Variants in ZNF148 observed in about 807,000 individuals in gnomAD.
ZNF148 encodes zinc finger protein 148, also known as Beta-Enolase Repressor Factor-1.
ZNF148 carries 7 observed loss-of-function variants against 67.7 expected under a neutral mutation model. The observed-to-expected ratio is 0.10, with a 90% confidence interval of 0.06 to 0.19. The LOEUF (loss-of-function observed/expected upper bound fraction) is 0.19, where lower values mean the gene tolerates loss of function less well. Among genes scored for constraint, ZNF148 ranks in the 10% least tolerant of loss-of-function variants. The pLI is 1.00. For missense variants in ZNF148, 583 were observed against 947.1 expected, an observed-to-expected ratio of 0.62 and a Z score of 5.05; for synonymous variants, 333 against 330.7, an observed-to-expected ratio of 1.01 and a Z score of -0.08.
Position 125,232,521 on chromosome 3 carries a change from A to T in ZNF148, c.2205T>A (p.Ala735=). The T allele has an allele frequency of 2.5e-6, 4 of 1,613,610 alleles. No individual in the cohort carries two copies. Among genetic ancestry groups the T allele is most frequent in the Non-Finnish European group, 2.5e-6 (3 of 1,179,704 alleles). The change falls in exon 9 of 9, where the codon GCT becomes GCA. Residue 735 remains alanine, a synonymous_variant. Coordinates refer to ENST00000360647, the MANE Select transcript of ZNF148 (RefSeq NM_021964.3). This position sits in a 1 kb window ranked among gnomAD's most constrained non-coding sequence, Gnocchi z 4.2. Reference sequence around the variant, plus strand: ...TTCCAGCTCTTGATCCATGATAGGGAGCACGGAAGGGCTGTTCAAAGGAGC... The same window carrying T: ...TTCCAGCTCTTGATCCATGATAGGGTGCACGGAAGGGCTGTTCAAAGGAGC... ...QMSSFEQPFR[A]PYHGSRAGIA...
At chr3:125,237,967 T>A (rs1936169387) in intron 7 of ZNF148, among the ~76,000 whole-genome samples, 1 of 152,010 alleles carries the variant, frequency 6.6e-6, no homozygotes, top group South Asian at 2.1e-4. Context: ...AAATTCAGAG[T>A]CCAAAAGTAA....
rs141274592 is a variant in ZNF148, at chr3:125,230,456, C to T, written c.*1885G>A. ...TTTGGCAGCAAAGAAAGCTGTCAAA[C>T]GGGAAAACTACTATTTCAAGCAAAA... On this transcript the variant is annotated 3_prime_UTR_variant, in exon 9 of 9. Coordinates refer to ENST00000360647, the MANE Select transcript of ZNF148 (RefSeq NM_021964.3). The T allele has an allele frequency of 2.6e-4, 39 of 152,512 alleles. No homozygotes were observed. The highest frequency in any genetic ancestry group is 1.7e-3 in the East Asian group (9 of 5,174). The allele number at this position is 152,512 out of a possible 1,614,324, so 9.4% of individuals were successfully genotyped here. A position where few individuals can be genotyped will look rare whatever the true frequency, so the allele number is the denominator to read the frequency against.
chr3:125,234,149 T>C, intron 8 of ZNF148, 62 bp downstream of exon 8: 2 of 1,271,752 alleles, frequency 1.6e-6, no homozygotes, highest in Non-Finnish European at 1.1e-6. Context: ...TATTTTCTAA[T>C]CTAATTTATA....
intron 3 of ZNF148, 61 bp downstream of exon 3, chr3:125,323,245 CAAT>C (rs1348678177): frequency 5.8e-5 from 28 of 479,880 alleles, no homozygotes; most frequent in Admixed American, 7.7e-5. Flanking sequence ...CAGCTGAACA[CAAT>C]GACTTCATAT....
At chr3:125,259,264 G>A (rs182354846) in intron 7 of ZNF148, among the ~76,000 whole-genome samples, 25 of 152,224 alleles carry the variant, frequency 1.6e-4, no homozygotes, top group Admixed American at 1.4e-3. Context: ...ATGAAAAAAT[G>A]CTCAACATGT....
At chr3:125,349,900 G>A (rs1559775160) in intron 1 of ZNF148, among the ~76,000 whole-genome samples, 1 of 152,180 alleles carries the variant, frequency 6.6e-6, no homozygotes, top group Non-Finnish European at 1.5e-5. Flanking sequence ...ATTACTGGGT[G>A]TATATCCAAA....
intron 2 of ZNF148, among the ~76,000 whole-genome samples, chr3:125,327,968 T>A (rs1308569925): frequency 6.6e-6 from 1 of 151,524 alleles, no homozygotes; most frequent in Non-Finnish European, 1.5e-5. Context: ...CAGTTTCAAA[T>A]TTTTTTTTAA....
At chr3:125,323,219 C>A in intron 3 of ZNF148, 90 bp downstream of exon 3, 1 of 433,902 alleles carries the variant, frequency 2.3e-6, no homozygotes. Flanking sequence ...TATATAAATT[C>A]AGTATAAAAT....
chr3:125,328,205 A>G (rs1685033321), intron 2 of ZNF148, among the ~76,000 whole-genome samples: 1 of 152,208 alleles, frequency 6.6e-6, no homozygotes, highest in Non-Finnish European at 1.5e-5. Context: ...AGATGCTACA[A>G]CCTGGAGCGA....
chr3:125,270,296 C>T (rs1209222293), intron 7 of ZNF148, among the ~76,000 whole-genome samples: 1 of 151,138 alleles, frequency 6.6e-6, no homozygotes, highest in Non-Finnish European at 1.5e-5. Flanking sequence ...CACTTGAGCC[C>T]AGGAGTTCCA....
At chr3:125,302,833 C>A (rs1205561262) in intron 4 of ZNF148, among the ~76,000 whole-genome samples, 2 of 152,202 alleles carry the variant, frequency 1.3e-5, no homozygotes, top group African/African-American at 4.8e-5. Flanking sequence ...TTATGAGTGA[C>A]TGTATCTGGG....
At chr3:125,325,611 A>C (rs1940985635) in intron 2 of ZNF148, among the ~76,000 whole-genome samples, 1 of 151,912 alleles carries the variant, frequency 6.6e-6, no homozygotes, top group African/African-American at 2.4e-5. Context: ...GATTACAGGA[A>C]CCCTCCATCA....
intron 3 of ZNF148, chr3:125,314,897 A>T (rs1188924444): frequency 1.3e-5 from 2 of 152,120 alleles, no homozygotes; most frequent in Non-Finnish European, 2.9e-5. Flanking sequence ...ATCTCTACAA[A>T]ATAAAAATAC....
chr3:125,332,694 T>C (rs1941338956), intron 1 of ZNF148, among the ~76,000 whole-genome samples: 1 of 152,186 alleles, frequency 6.6e-6, no homozygotes, highest in South Asian at 2.1e-4. Context: ...TGCTTGTCAC[T>C]TGCTTTTTCT....
At chr3:125,315,394 C>G (rs1443888219) in intron 3 of ZNF148, among the ~76,000 whole-genome samples, 1 of 151,916 alleles carries the variant, frequency 6.6e-6, no homozygotes, top group African/African-American at 2.4e-5. Flanking sequence ...TATAAAATAA[C>G]TATATTTTTA....
intron 1 of ZNF148, among the ~76,000 whole-genome samples, chr3:125,364,473 T>G (rs938449959): frequency 6.6e-6 from 1 of 152,032 alleles, no homozygotes; most frequent in Non-Finnish European, 1.5e-5. Flanking sequence ...CTGTGGTATA[T>G]TCATATGATA....
intron 2 of ZNF148, among the ~76,000 whole-genome samples, chr3:125,325,263 A>T (rs1940968342): frequency 6.6e-6 from 1 of 152,156 alleles, no homozygotes; most frequent in African/African-American, 2.4e-5. Context: ...ATTTATGGCA[A>T]AAGAAAATCA....
At chr3:125,312,575 A>G (rs1354169112) in intron 4 of ZNF148, among the ~76,000 whole-genome samples, 2 of 152,224 alleles carry the variant, frequency 1.3e-5, no homozygotes, top group Non-Finnish European at 2.9e-5. Context: ...AGCACTATCT[A>G]GAGGTTATAA....
chr3:125,345,347 T>C (rs1430775015), intron 1 of ZNF148, among the ~76,000 whole-genome samples: 1 of 151,482 alleles, frequency 6.6e-6, no homozygotes, highest in Non-Finnish European at 1.5e-5. Flanking sequence ...TAAATGAAAA[T>C]AAAAACATAA....
Sources: gnomAD v4.1 joint callset for allele counts (sites outside exome capture counted in the v4.1 genomes callset) on GRCh38, gnomAD v4.1.1 for gene constraint, Gnocchi (gnomAD v3.1) non-coding constraint, MANE v1.5 for transcripts, NCBI Gene and HGNC (gene_info 2026-07-23, HGNC 2026-07-21) for gene names.